Variants in ZNF790 observed in about 807,000 individuals in gnomAD.
ZNF790 encodes the protein zinc finger protein 790.
ZNF790 carries 8 observed loss-of-function variants against 12.1 expected under a neutral mutation model. That is an observed-to-expected ratio of 0.66 (90% CI 0.39 to 1.19). The LOEUF is 1.19. Among genes scored for constraint, ZNF790 ranks in the 50% most tolerant of loss-of-function variants. The probability of loss-of-function intolerance (pLI) is 0.01; values close to 1 mark genes in which losing one functional copy is unlikely to be tolerated. For synonymous variants in ZNF790, 252 were observed against 244.3 expected, an observed-to-expected ratio of 1.03 and a Z score of -0.29; for missense variants, 707 against 752.2, an observed-to-expected ratio of 0.94 and a Z score of 0.70.
intron 4 of ZNF790, among the ~76,000 whole-genome samples, 178 bp downstream of exon 4, chr19:36,823,107 G>A (rs1020973221): frequency 2.6e-5 from 4 of 152,012 alleles, no homozygotes; most frequent in Non-Finnish European, 5.9e-5. Context: ...TTAAACTCCT[G>A]AGCTCAGGCA....
At chr19:36,827,120 A>ACG (rs1171889721) in intron 1 of ZNF790, among the ~76,000 whole-genome samples, 16 of 64,526 alleles carry the variant, frequency 2.5e-4, no homozygotes, top group Admixed American at 9.1e-4. Flanking sequence ...ATACACATAC[A>ACG]CACACACACA....
At chr19:36,836,624 G>A (rs562249362) in intron 1 of ZNF790, among the ~76,000 whole-genome samples, 91 of 152,214 alleles carry the variant, frequency 6.0e-4, no homozygotes, top group African/African-American at 2.1e-3. Flanking sequence ...GGGCGTGGTG[G>A]CACGCACCTG....
At chr19:36,825,477 T>A (rs2146035568) in intron 2 of ZNF790, 134 bp downstream of exon 2, 2 of 961,962 alleles carry the variant, frequency 2.1e-6, no homozygotes, top group South Asian at 2.6e-5. Context: ...GGGAAAGCAT[T>A]GGACTGTTTC....
intron 1 of ZNF790, among the ~76,000 whole-genome samples, chr19:36,845,047 CAAAAAAAA>C (rs10611049): frequency 1.1e-3 from 39 of 34,918 alleles, no homozygotes; most frequent in Admixed American, 5.2e-3. Flanking sequence ...GACTCCGTCT[CAAAAAAAA>C]AAAAAAAAAA....
chr19:36,841,393 G>A (rs750820100), upstream of ZNF790, among the ~76,000 whole-genome samples: 24 of 152,188 alleles, frequency 1.6e-4, no homozygotes, highest in Admixed American at 4.6e-4. Flanking sequence ...GCCAAGGCAG[G>A]TGGATCGCAT....
At chr19:36,835,252 G>C (rs949507133) in intron 1 of ZNF790, among the ~76,000 whole-genome samples, 2 of 152,166 alleles carry the variant, frequency 1.3e-5, no homozygotes, top group Non-Finnish European at 2.9e-5. Flanking sequence ...CTGCACTCCA[G>C]CCTGGGCGAC....
intron 1 of ZNF790, among the ~76,000 whole-genome samples, chr19:36,833,739 G>A (rs1319362248): frequency 6.6e-6 from 1 of 152,120 alleles, no homozygotes; most frequent in African/African-American, 2.4e-5. Context: ...GAATTTATAT[G>A]AGGAAAACAA....
At chr19:36,824,691 T>G (rs1024290121) in intron 2 of ZNF790, among the ~76,000 whole-genome samples, 60 of 151,374 alleles carry the variant, frequency 4.0e-4, no homozygotes, top group Admixed American at 2.0e-4. Context: ...ATCATAGGAG[T>G]TTTTTGTTGA....
intron 1 of ZNF790, among the ~76,000 whole-genome samples, chr19:36,828,541 A>C (rs1251886092): frequency 6.6e-6 from 1 of 152,084 alleles, no homozygotes; most frequent in African/African-American, 2.4e-5. Context: ...GAGTGGTGCA[A>C]TCACAGTTTA....
chr19:36,823,384 C>T lies in ZNF790; in HGVS notation c.134-4G>A, dbSNP rs765010087. Reference sequence around the variant, plus strand: ...TCTGGCTGATAAATGCAAAAACCTGCCCAGAAGATGAGAAACAGCAAAGAA... The same window carrying T: ...TCTGGCTGATAAATGCAAAAACCTGTCCAGAAGATGAGAAACAGCAAAGAA... On this transcript the variant is annotated splice_region_variant and splice_polypyrimidine_tract_variant and intron_variant, in intron 3 of 4. Transcript: ENST00000356725. 6.2e-7 allele frequency: 1 copy of T among 1,613,006 alleles called. No individual in the cohort carries two copies. Among genetic ancestry groups the T allele is most frequent in the Non-Finnish European group, 8.5e-7 (1 of 1,179,486 alleles).
chr19:36,820,136 A>G (rs1439276224), intron 4 of ZNF790, 22 bp from the exon 5 acceptor site: 3 of 1,589,146 alleles, frequency 1.9e-6, no homozygotes, highest in Non-Finnish European at 2.6e-6. Flanking sequence ...GAAGGTAAAA[A>G]CATCATACGG....
rs2145999677 is a variant in ZNF790, at chr19:36,817,865, C to G, written c.*568G>C. Reference sequence around the variant, plus strand: ...TGAGATGGAGTCTTGTTCTATCACCCAGGCTGGAGTGCAGTGATGTGATCT... The same window carrying G: ...TGAGATGGAGTCTTGTTCTATCACCGAGGCTGGAGTGCAGTGATGTGATCT... On this transcript the variant is annotated 3_prime_UTR_variant, in exon 5 of 5. Transcript: ENST00000356725. 6.6e-6 allele frequency: 1 copy of G among 152,244 alleles called. No individual in the cohort carries two copies. Among genetic ancestry groups the G allele is most frequent in the South Asian group, 2.1e-4 (1 of 4,822 alleles). The allele number at this position is 152,244 out of a possible 1,614,324, so 9.4% of individuals were successfully genotyped here.
chr19:36,828,943 T>C (rs1019982260), intron 1 of ZNF790, among the ~76,000 whole-genome samples: 1 of 152,144 alleles, frequency 6.6e-6, no homozygotes, highest in Non-Finnish European at 1.5e-5. Context: ...GAAGCCACAG[T>C]GATGCTACAA....
chr19:36,836,269 C>T (rs187542707), intron 1 of ZNF790, among the ~76,000 whole-genome samples: 1 of 152,226 alleles, frequency 6.6e-6, no homozygotes, highest in African/African-American at 2.4e-5. Context: ...ACTTAGTTGC[C>T]TTCACCCAAA....
At chr19:36,822,642 G>A (rs778874776) in intron 4 of ZNF790, among the ~76,000 whole-genome samples, 2 of 151,820 alleles carry the variant, frequency 1.3e-5, no homozygotes, top group Non-Finnish European at 2.9e-5. Flanking sequence ...CAAGGTTCAA[G>A]CAATTCTCCT....
At chr19:36,845,898 TC>T (rs1024840750) in intron 1 of ZNF790, among the ~76,000 whole-genome samples, 4 of 151,632 alleles carry the variant, frequency 2.6e-5, no homozygotes, top group African/African-American at 9.7e-5. Context: ...AACCTCTGCC[TC>T]CCGGGTTCAA....
At chr19:36,845,296 G>T (rs1325206639) in intron 1 of ZNF790, among the ~76,000 whole-genome samples, 1 of 151,692 alleles carries the variant, frequency 6.6e-6, no homozygotes, top group East Asian at 1.9e-4. Flanking sequence ...CACACCTGCG[G>T]TTCCAGCTAC....
At chr19:36,837,161 T>C (rs2072062930) in intron 1 of ZNF790, among the ~76,000 whole-genome samples, 1 of 152,258 alleles carries the variant, frequency 6.6e-6, no homozygotes, top group Non-Finnish European at 1.5e-5. Flanking sequence ...TTTCGGACAT[T>C]GTATACCATC....
chr19:36,823,241 A>T (rs767508748), intron 4 of ZNF790, 44 bp downstream of exon 4: 2 of 1,539,138 alleles, frequency 1.3e-6, no homozygotes, highest in Admixed American at 1.7e-5. Context: ...CTGAGCTGTT[A>T]TCCACAACAA....
Sources: allele counts gnomAD v4.1 joint callset (sites outside exome capture counted in the v4.1 genomes callset), GRCh38; gene constraint gnomAD v4.1.1; transcripts MANE v1.5; gene names NCBI Gene and HGNC (gene_info 2026-07-23, HGNC 2026-07-21).